PHC2: variants seen among roughly 807,000 people sequenced by gnomAD.
The protein encoded by PHC2 is polyhomeotic homolog 2.
PHC2 carries 29 observed loss-of-function variants against 87.4 expected under a neutral mutation model. The observed-to-expected ratio is 0.33, with a 90% CI of 0.25 to 0.45. The LOEUF is 0.45. Among genes scored for constraint, PHC2 ranks in the 20% least tolerant of loss-of-function variants. The pLI, the probability that PHC2 is intolerant of heterozygous loss-of-function variation, is 1.00. For synonymous variants in PHC2, 438 were observed against 461.7 expected (o/e 0.95, Z 0.66); for missense variants, 857 against 1,136.7 (o/e 0.75, Z 3.54).
chr1:33,328,927 T>C lies in PHC2; in HGVS notation c.2368A>G (p.Ser790Gly), dbSNP rs754774534. 105 of 1,613,890 alleles carry C rather than the reference T, an allele frequency of 6.5e-5. 1 individual carries two copies. The South Asian group carries it at 1.2e-3, about 18-fold the overall frequency. The part of the protein sequence containing the change: ...LVGMGHHFLP[S>G]EPTKWNVEDV... ...TCTACATTCCACTTGGTGGGCTCAC[T>C]TGGCAGGAAGTGGTGTCCCATGCCC... is the stretch of plus-strand genomic sequence containing the variant. The change falls in exon 14 of 15, where the codon AGT becomes GGT. Residue 790 changes from serine to glycine, a missense_variant. Around this residue, in one of 3 missense-constraint regions of PHC2, gnomAD observed 832 missense variants for 1,081.8 expected, o/e 0.77. Coordinates refer to ENST00000683057, the MANE Select transcript of PHC2 (RefSeq NM_001385109.1).
At chr1:33,428,030 T>C (rs531475587) in intron 1 of PHC2, among the ~76,000 whole-genome samples, 2 of 152,328 alleles carry the variant, frequency 1.3e-5, no homozygotes, top group East Asian at 3.9e-4. Context: ...TCAACTCCTA[T>C]AATACCACGC....
intron 9 of PHC2, chr1:33,335,256 T>G: frequency 6.1e-6 from 6 of 985,360 alleles, no homozygotes; most frequent in Non-Finnish European, 7.2e-6. Flanking sequence ...CGTGCAAGAC[T>G]TCATCTCCTC....
chr1:33,331,454 C>T lies in PHC2; in HGVS notation c.1900G>A (p.Glu634Lys). The part of the protein sequence containing the change: ...MEEPYLQESK[E>K]EGAPLKLKCE... ...TTGAGTTTGAGGGGAGCACCCTCCT[C>T]TTTGGATTCTGAAAAGTATAGAAAT... The change falls in exon 12 of 15, where the codon GAG (glutamate) becomes AAG (lysine). Residue 634 changes from glutamate (E) to lysine (K), a missense_variant. By Grantham distance (56) the Glu-to-Lys change is moderately conservative. Transcript: ENST00000683057. This position sits in a 1 kb window ranked among gnomAD's most constrained non-coding sequence, Gnocchi z 5.2. The T allele has an allele frequency of 6.3e-7, 1 of 1,589,656 alleles. No individual in the cohort carries two copies. The highest frequency in any genetic ancestry group is 8.6e-7 in the Non-Finnish European group (1 of 1,158,572).
intron 7 of PHC2, chr1:33,363,860 C>T (rs1415757809): frequency 3.0e-6 from 3 of 985,282 alleles, no homozygotes; most frequent in Non-Finnish European, 3.6e-6. Flanking sequence ...AAGGCCAGGC[C>T]CAAGGGACCC....
chr1:33,421,088 C>T (rs1432409345), intron 1 of PHC2, among the ~76,000 whole-genome samples: 2 of 151,932 alleles, frequency 1.3e-5, no homozygotes, highest in East Asian at 1.9e-4. Context: ...TAAACACTAC[C>T]GTTTCTAATA....
rs765729865 is a variant in PHC2 at position 33,349,414 on chromosome 1, C to T, written c.1558+4987G>A. 6 of 985,022 alleles carry T rather than the reference C, an allele frequency of 6.1e-6. No individual in the cohort carries two copies. The African/African-American group carries it at 1.0e-4, about 17-fold the overall frequency. 61.0% of individuals were successfully genotyped at this position (985,022 alleles called of 1,614,324 possible). A position where few individuals can be genotyped will look rare whatever the true frequency, so the allele number is the denominator to read the frequency against. On this transcript the variant is annotated intron_variant, in intron 9 of 14. Transcript: ENST00000683057. This position sits in a 1 kb window ranked among gnomAD's most constrained non-coding sequence, Gnocchi z 4.2. Reference sequence around the variant, plus strand: ...CGGGCGCGCAGGGTCCCCAGGCGAGCGAGGCTGGGGAGCAGGGCACCTCCC... The same window carrying T: ...CGGGCGCGCAGGGTCCCCAGGCGAGTGAGGCTGGGGAGCAGGGCACCTCCC...
Position 33,349,581 on chromosome 1 carries a change from C to T in PHC2, c.1558+4820G>A. 6.1e-6 allele frequency: 6 copies of T among 983,580 alleles called. No individual in the cohort carries two copies. The highest frequency in any genetic ancestry group is 7.2e-6 in the Non-Finnish European group (6 of 828,762). 60.9% of individuals were successfully genotyped at this position (983,580 alleles called of 1,614,324 possible). Reference sequence around the variant, plus strand: ...CTCCCTACTGGCGAGAACCCCTCCCCCGCCCCGGCACTGACCTGTCCAGGG... The same window carrying T: ...CTCCCTACTGGCGAGAACCCCTCCCTCGCCCCGGCACTGACCTGTCCAGGG... On this transcript the variant is annotated intron_variant, in intron 9 of 14. Coordinates refer to ENST00000683057, the MANE Select transcript of PHC2 (RefSeq NM_001385109.1). The surrounding 1 kb of genome is among the most constrained non-coding windows in gnomAD (Gnocchi z 4.2).
Position 33,325,029 on chromosome 1 carries a change from T to TA in PHC2, c.2426-11dup. 6.2e-7 allele frequency: 1 copy of TA among 1,605,924 alleles called. No individual in the cohort carries two copies. The highest frequency in any genetic ancestry group is 1.1e-5 in the South Asian group (1 of 89,944). ...GCTATCTCCTGGCAGCCTGAGGGGG[T>TA]ACCACCAAAGACAGTGTCAATCCAA... is the stretch of plus-strand genomic sequence containing the variant. On this transcript the variant is annotated splice_polypyrimidine_tract_variant and intron_variant, in intron 14 of 14. Transcript: ENST00000683057.
At chr1:33,387,584 T>A (rs1381738053) in intron 1 of PHC2, among the ~76,000 whole-genome samples, 1 of 152,242 alleles carries the variant, frequency 6.6e-6, no homozygotes, top group African/African-American at 2.4e-5. Context: ...ATATCATTTA[T>A]TCTTCACAAC....
At chr1:33,428,510 G>C (rs1192989539) in intron 1 of PHC2, among the ~76,000 whole-genome samples, 1 of 152,170 alleles carries the variant, frequency 6.6e-6, no homozygotes, top group Admixed American at 6.5e-5. Flanking sequence ...AAGCAAAAAG[G>C]CCTTTATCTG....
intron 3 of PHC2, among the ~76,000 whole-genome samples, chr1:33,371,687 T>C (rs1383795872): frequency 6.6e-6 from 1 of 152,226 alleles, no homozygotes; most frequent in Non-Finnish European, 1.5e-5. Context: ...TGCAAGGCCG[T>C]CTACCTTGCC....
chr1:33,324,287 A>C lies in PHC2; in HGVS notation c.*578T>G, dbSNP rs1646325156. On this transcript the variant is annotated 3_prime_UTR_variant, in exon 15 of 15. Transcript: ENST00000683057. ...CTCCCACACAGTCACACAGTCATAC[A>C]CACAGCGTTAAGGCGTCTGTGCCAG... 1 of 152,894 alleles carries C rather than the reference A, an allele frequency of 6.5e-6. No homozygotes were observed. The allele number at this position is 152,894 out of a possible 1,614,324, so 9.5% of individuals were successfully genotyped here.
chr1:33,402,724 C>A lies in PHC2; in HGVS notation c.-54-27131G>T, dbSNP rs191157366. Among the ~76,000 whole-genome samples the A allele has an allele frequency of 2.7e-3, 415 of 152,176 alleles. 5 individuals carry two copies. Among genetic ancestry groups the A allele is most frequent in the Admixed American group, 5.6e-3 (86 of 15,288 alleles). On this transcript the variant is annotated intron_variant, in intron 1 of 14. Coordinates refer to ENST00000683057, the MANE Select transcript of PHC2 (RefSeq NM_001385109.1). ...TGAATACAGTATAATTCCATTTATA[C>A]AGAGTTCAAAACCAGTTAAAACTAA... is the stretch of plus-strand genomic sequence containing the variant.
intron 1 of PHC2, among the ~76,000 whole-genome samples, chr1:33,400,789 T>C (rs1385830138): frequency 1.3e-5 from 2 of 152,128 alleles, no homozygotes; most frequent in African/African-American, 4.8e-5. Context: ...AGAGTAAGAA[T>C]TGTACATGTT....
rs1646928145 is a variant in PHC2, at chr1:33,349,820, CGGGAGCGCGGGCGGCGGCCGGGGT to C, written c.1558+4557_1558+4580del. ...CCGGGACGGGGGCGCGAGGCCGGGG[CGGGAGCGCGGGCGGCGGCCGGGGT>C]TGCGCGCGCGCGCGCGGCGGGCGCT... On this transcript the variant is annotated intron_variant, in intron 9 of 14. Transcript: ENST00000683057. The surrounding 1 kb of genome is among the most constrained non-coding windows in gnomAD (Gnocchi z 4.2). 1 of 976,138 alleles carries C rather than the reference CGGGAGCGCGGGCGGCGGCCGGGGT, an allele frequency of 1.0e-6. No homozygotes were observed. Among genetic ancestry groups the C allele is most frequent in the Non-Finnish European group, 1.2e-6 (1 of 824,512 alleles). The allele number at this position is 976,138 out of a possible 1,614,324, so 60.5% of individuals were successfully genotyped here. A position where few individuals can be genotyped will look rare whatever the true frequency, so the allele number is the denominator to read the frequency against.
chr1:33,350,100 G>A (rs1204733606), intron 9 of PHC2, among the ~76,000 whole-genome samples: 4 of 151,930 alleles, frequency 2.6e-5, no homozygotes, highest in Non-Finnish European at 4.4e-5. Context: ...GCCACGCCAC[G>A]AGGAGGCTGC....
At chr1:33,410,999 AC>A (rs1649960963) in intron 1 of PHC2, among the ~76,000 whole-genome samples, 1 of 152,198 alleles carries the variant, frequency 6.6e-6, no homozygotes, top group South Asian at 2.1e-4. Flanking sequence ...GTCTTTCTTC[AC>A]CTGGAGACTT....
intron 1 of PHC2, among the ~76,000 whole-genome samples, chr1:33,381,607 T>G (rs1340609126): frequency 6.6e-6 from 1 of 151,722 alleles, no homozygotes; most frequent in East Asian, 1.9e-4. Context: ...GAACTGGGAT[T>G]CAAAACCAAG....
At chr1:33,365,549 C>A (rs1647400345) in intron 7 of PHC2, among the ~76,000 whole-genome samples, 2 of 152,202 alleles carry the variant, frequency 1.3e-5, no homozygotes, top group Admixed American at 6.5e-5. Context: ...GTAGTCCAAG[C>A]TGCTTTCAAC....
Sources: gnomAD v4.1 joint callset for allele counts (sites outside exome capture counted in the v4.1 genomes callset) on GRCh38, gnomAD v4.1.1 for gene constraint, gnomAD v4.1.1 regional missense constraint, Gnocchi (gnomAD v3.1) non-coding constraint, MANE v1.5 for transcripts, NCBI Gene and HGNC (gene_info 2026-07-23, HGNC 2026-07-21) for gene names.